PLCE1: variants seen among roughly 807,000 people sequenced by gnomAD.
PLCE1 encodes phospholipase C epsilon 1, also known as 1-phosphatidylinositol 4,5-bisphosphate phosphodiesterase epsilon-1.
PLCE1 carries 119 observed loss-of-function variants against 242.8 expected under a neutral mutation model. The observed-to-expected ratio is 0.49, with a 90% CI of 0.42 to 0.57. The LOEUF (loss-of-function observed/expected upper bound fraction) is 0.57, where lower values mean the gene tolerates loss of function less well. Ranked by LOEUF, PLCE1 falls within the 20% of genes least tolerant of loss-of-function variation. The pLI, the probability that PLCE1 is intolerant of heterozygous loss-of-function variation, is 0.00. For missense variants in PLCE1, 2,441 were observed against 2,788.8 expected (o/e 0.88, Z 2.81); for synonymous variants, 945 against 1,017.4 (o/e 0.93, Z 1.35).
At chr10:94,105,699 G>C (rs2045704098) in intron 2 of PLCE1, 2 of 152,126 alleles carry the variant, frequency 1.3e-5, no homozygotes, top group Admixed American at 6.5e-5. Context: ...TGAATGAAAG[G>C]CTCCTCATTT....
chr10:94,254,226 A>C lies in PLCE1; in HGVS notation c.3316A>C (p.Thr1106Pro). Residue 1106 changes from threonine (T) to proline (P), a missense_variant, in exon 10 of 33, where the codon ACC becomes CCC. Physicochemically the swap from Thr to Pro is conservative, Grantham distance 38. Around this residue, in one of 5 missense-constraint regions of PLCE1, gnomAD observed 1,004 missense variants for 1,322.7 expected, o/e 0.76. Transcript: ENST00000371380. Reference sequence around the variant, plus strand: ...AGAGGTAACTGACGATGAGATGGCAACCCGAAAGGCCAAGATGCACAAAGA... The same window carrying C: ...AGAGGTAACTGACGATGAGATGGCACCCCGAAAGGCCAAGATGCACAAAGA... ...SGEVTDDEMA[T>P]RKAKMHKECR... 6.2e-7 allele frequency: 1 copy of C among 1,614,038 alleles called. No homozygotes were observed. Among genetic ancestry groups the C allele is most frequent in the Non-Finnish European group, 8.5e-7 (1 of 1,179,940 alleles).
intron 4 of PLCE1, among the ~76,000 whole-genome samples, chr10:94,214,356 C>T (rs900666438): frequency 1.3e-5 from 2 of 152,168 alleles, no homozygotes; most frequent in Non-Finnish European, 2.9e-5. Context: ...ACACTCTCTT[C>T]CCCACTGGAA....
chr10:94,328,157 G>T lies in PLCE1; in HGVS notation c.*214G>T. Reference sequence around the variant, plus strand: ...CCAATTTACTGATGAATGAAGCCCAGGGGACTGCCATTTTATAAATGTCAG... The same window carrying T: ...CCAATTTACTGATGAATGAAGCCCATGGGACTGCCATTTTATAAATGTCAG... On this transcript the variant is annotated 3_prime_UTR_variant, in exon 33 of 33. Coordinates refer to ENST00000371380, the MANE Select transcript of PLCE1 (RefSeq NM_016341.4). 3.3e-6 allele frequency: 1 copy of T among 305,408 alleles called. No homozygotes were observed. Among genetic ancestry groups the T allele is most frequent in the East Asian group, 8.0e-5 (1 of 12,458 alleles). The allele number at this position is 305,408 out of a possible 1,614,324, so 18.9% of individuals were successfully genotyped here.
chr10:94,035,851 T>C (rs1488179780), intron 2 of PLCE1, among the ~76,000 whole-genome samples: 1 of 152,198 alleles, frequency 6.6e-6, no homozygotes, highest in Admixed American at 6.5e-5. Context: ...AAGATGCGGA[T>C]CTTAATGATA....
intron 2 of PLCE1, among the ~76,000 whole-genome samples, chr10:94,039,289 T>C (rs2061721144): frequency 1.3e-5 from 2 of 152,204 alleles, no homozygotes; most frequent in African/African-American, 4.8e-5. Flanking sequence ...TAACTCTGTT[T>C]AATCTTTTCA....
intron 4 of PLCE1, among the ~76,000 whole-genome samples, chr10:94,188,795 G>A (rs2048565306): frequency 6.6e-6 from 1 of 151,896 alleles, no homozygotes; most frequent in Admixed American, 6.6e-5. Context: ...AATAGAGATG[G>A]CGTTTCACCA....
chr10:94,098,108 G>A (rs933630418), intron 2 of PLCE1, among the ~76,000 whole-genome samples: 1 of 152,174 alleles, frequency 6.6e-6, no homozygotes, highest in East Asian at 1.9e-4. Context: ...GTACATTTAG[G>A]ACCCTTAGGA....
chr10:94,110,385 T>A (rs1441702826), intron 2 of PLCE1, among the ~76,000 whole-genome samples: 2 of 152,152 alleles, frequency 1.3e-5, no homozygotes, highest in African/African-American at 4.8e-5. Context: ...TTCTAAGGGT[T>A]GTCAAGGAAA....
intron 18 of PLCE1, among the ~76,000 whole-genome samples, chr10:94,273,310 A>T (rs1269285256): frequency 6.6e-6 from 1 of 152,144 alleles, no homozygotes; most frequent in Non-Finnish European, 1.5e-5. Flanking sequence ...ATTTTCCTAA[A>T]TAGTTAGAAC....
chr10:94,307,066 C>T (rs1041434019), intron 26 of PLCE1, among the ~76,000 whole-genome samples: 2 of 152,058 alleles, frequency 1.3e-5, no homozygotes, highest in Non-Finnish European at 2.9e-5. Flanking sequence ...CAGTTGGAGT[C>T]GGTGCCTGGC....
chr10:94,123,557 C>T (rs150510895), intron 2 of PLCE1, among the ~76,000 whole-genome samples: 1 of 152,196 alleles, frequency 6.6e-6, no homozygotes, highest in Non-Finnish European at 1.5e-5. Flanking sequence ...TTCTCCTCCC[C>T]ATCCCTGCCA....
At position 94,040,157 on chromosome 10, in the gene PLCE1, T is replaced by A. The variant is rs139386724; in HGVS notation, c.1206+7905T>A. Among the ~76,000 whole-genome samples, 26 of 152,354 alleles carry A rather than the reference T, an allele frequency of 1.7e-4. No individual in the cohort carries two copies. In the East Asian group the frequency reaches 4.8e-3, roughly 28 times the overall value. On this transcript the variant is annotated intron_variant, in intron 2 of 32. Transcript: ENST00000371380. ...TTTTTGTAGCAGCAAGATCTTGCTA[T>A]GTTGCCCAGGCTAGTCTCCAACTTC...
At position 94,246,281 on chromosome 10, in the gene PLCE1, A is replaced by G; in HGVS notation, c.2756A>G (p.Lys919Arg). 6.2e-7 allele frequency: 1 copy of G among 1,614,154 alleles called. No homozygotes were observed. ...GVLNNTAEPG[K>R]FPLLGNAGLS... ...CTTAATAACACAGCTGAGCCTGGAA[A>G]ATTCCCACTACTGGGTAATGCTGGA... Residue 919 changes from lysine to arginine, a missense_variant, in exon 8 of 33, where the codon AAA (lysine) becomes AGA (arginine). Lys to Arg is a conservative substitution (Grantham distance 26, BLOSUM62 2). This residue lies in a region of PLCE1 where 733 missense variants were observed against 754.2 expected (regional missense o/e 0.97). Transcript: ENST00000371380.
At chr10:94,183,389 T>C (rs1479009730) in intron 4 of PLCE1, among the ~76,000 whole-genome samples, 1 of 144,110 alleles carries the variant, frequency 6.9e-6, no homozygotes, top group Non-Finnish European at 1.5e-5. Context: ...CCTGCCCCAC[T>C]GAGCTTACAT....
intron 2 of PLCE1, among the ~76,000 whole-genome samples, chr10:94,119,516 G>A (rs1564705938): frequency 2.0e-5 from 3 of 152,130 alleles, no homozygotes; most frequent in Admixed American, 1.3e-4. Context: ...TTCACCCATA[G>A]GAAAACTATT....
intron 22 of PLCE1, 36 bp downstream of exon 22, chr10:94,285,001 ATATCAAAGG>A (rs780947142): frequency 8.7e-7 from 1 of 1,155,138 alleles, no homozygotes; most frequent in South Asian, 1.2e-5. Flanking sequence ...ACTTTTAAAG[ATATCAAAGG>A]TTAAAAATAT....
intron 2 of PLCE1, among the ~76,000 whole-genome samples, chr10:94,113,798 G>C (rs1051216235): frequency 1.3e-5 from 2 of 152,150 alleles, no homozygotes; most frequent in Non-Finnish European, 2.9e-5. Flanking sequence ...ATGGATAGCT[G>C]TCACAATGTG....
At position 94,252,498 on chromosome 10, in the gene PLCE1, G is replaced by A. The variant is rs2050914921; in HGVS notation, c.3279G>A (p.Arg1093=). Reference sequence around the variant, plus strand: ...AGAAAAAGAAGAAAATCCTCATGAGGGTAGAGTGTTATTTGTTTATTAAGC... The same window carrying A: ...AGAAAAAGAAGAAAATCCTCATGAGAGTAGAGTGTTATTTGTTTATTAAGC... ...TTKKKKKILM[R]GESGEVTDDE... Residue 1093 remains arginine (R), a splice_region_variant and synonymous_variant, in exon 9 of 33, where the codon AGG becomes AGA. Transcript: ENST00000371380. 1 of 1,611,380 alleles carries A rather than the reference G, an allele frequency of 6.2e-7. No individual in the cohort carries two copies. Among genetic ancestry groups the A allele is most frequent in the Non-Finnish European group, 8.5e-7 (1 of 1,178,546 alleles).
At chr10:94,148,972 TCACA>T (rs2047197835) in intron 3 of PLCE1, among the ~76,000 whole-genome samples, 1 of 152,156 alleles carries the variant, frequency 6.6e-6, no homozygotes, top group Non-Finnish European at 1.5e-5. Flanking sequence ...TTCTCACCTC[TCACA>T]CAGCACCCCG....
Sources: gnomAD v4.1 joint callset for allele counts (sites outside exome capture counted in the v4.1 genomes callset) on GRCh38, gnomAD v4.1.1 for gene constraint, gnomAD v4.1.1 regional missense constraint, MANE v1.5 for transcripts, NCBI Gene and HGNC (gene_info 2026-07-23, HGNC 2026-07-21) for gene names.